The following ABCC6 variants were observed in gnomAD, a reference collection of about 807,000 sequenced individuals.
The protein encoded by ABCC6 is ATP-binding cassette sub-family C member 6.
Under a neutral mutation model 169.5 loss-of-function variants are expected in ABCC6, and 126 were observed. The observed-to-expected ratio is 0.74, with a 90% CI of 0.64 to 0.86. The LOEUF is 0.86. Among genes scored for constraint, ABCC6 ranks in the 40% least tolerant of loss-of-function variants. The pLI, the probability that ABCC6 is intolerant of heterozygous loss-of-function variation, is 0.00. For missense variants in ABCC6, 1,733 were observed against 1,927.2 expected, an observed-to-expected ratio of 0.90 and a Z score of 1.89; for synonymous variants, 752 against 814.7, an observed-to-expected ratio of 0.92 and a Z score of 1.31.
chr16:16,197,501 A>G (rs1346326077), intron 10 of ABCC6, among the ~76,000 whole-genome samples: 1 of 150,232 alleles, frequency 6.7e-6, no homozygotes, highest in Admixed American at 6.6e-5. Context: ...AGCAGAGGGA[A>G]GAGAGGGAGG....
chr16:16,154,974 G>A lies in ABCC6; in HGVS notation c.3940C>T (p.Arg1314Trp), dbSNP rs63750759. 1.3e-4 allele frequency: 205 copies of A among 1,576,952 alleles called. No individual in the cohort carries two copies. The African/African-American group carries it at 2.2e-3, about 17-fold the overall frequency. The change falls in exon 28 of 31, where the codon CGG (arginine) becomes TGG (tryptophan). Residue 1314 changes from arginine to tryptophan, a missense_variant. Arg to Trp is a moderately radical substitution (Grantham distance 101). Transcript: ENST00000205557. Reference protein sequence around the residue: ...GKSSLASGLLRLQEAAEGGIW... With the variant: ...GKSSLASGLLWLQEAAEGGIW... ...CCACCCTCAGCTGCCTCCTGGAGCC[G>A]CAGCAGCCCACTGGCCAGGGAGGAC...
At chr16:16,157,618 T>C (rs1489485875) in intron 27 of ABCC6, 45 bp downstream of exon 27, 1 of 1,612,982 alleles carries the variant, frequency 6.2e-7, no homozygotes, top group Admixed American at 1.7e-5. Flanking sequence ...CTGGAGTCCT[T>C]TGGCCTAAAC....
chr16:16,189,297 T>C (rs2047761002), intron 12 of ABCC6, among the ~76,000 whole-genome samples: 1 of 152,176 alleles, frequency 6.6e-6, no homozygotes, highest in Non-Finnish European at 1.5e-5. Context: ...TTTTTGATCT[T>C]GGTAGCCCTG....
chr16:16,154,815 G>T (rs57734166), intron 28 of ABCC6, 21 bp from the exon 29 acceptor site: 1 of 1,608,396 alleles, frequency 6.2e-7, no homozygotes, highest in Admixed American at 1.7e-5. Context: ...GGGGCGGTGG[G>T]TCAGAGCCGG....
intron 22 of ABCC6, 80 bp from the exon 23 acceptor site, chr16:16,166,013 C>G: frequency 7.0e-7 from 1 of 1,423,894 alleles, no homozygotes; most frequent in African/African-American, 1.4e-5. Context: ...AGGTCTCTCC[C>G]GCTACCCCAT....
chr16:16,175,344 G>C (rs974382621), intron 20 of ABCC6, among the ~76,000 whole-genome samples: 1 of 152,146 alleles, frequency 6.6e-6, no homozygotes, highest in Non-Finnish European at 1.5e-5. Flanking sequence ...TGCTTCCCAA[G>C]ACCCCTCTCA....
In ABCC6 at chr16:16,156,942, C is replaced by CAAAA. The variant is rs33984541; in HGVS notation, c.3882+717_3882+720dup. Among the ~76,000 whole-genome samples the CAAAA allele has an allele frequency of 1.6e-4, 16 of 101,120 alleles. No homozygotes were observed. In the East Asian group the frequency reaches 1.7e-3, roughly 11 times the overall value. 66.3% of individuals were successfully genotyped at this position (101,120 alleles called of 152,430 possible). A position where few individuals can be genotyped will look rare whatever the true frequency, so the allele number is the denominator to read the frequency against. On this transcript the variant is annotated intron_variant, in intron 27 of 30. Transcript: ENST00000205557. ...TGGGCAACAGAGTGAGACTCTGTCT[C>CAAAA]AAAAAAAAAAAAAAAAAAAAATCAC...
chr16:16,191,120 AG>A (rs2047840050), intron 11 of ABCC6, among the ~76,000 whole-genome samples: 1 of 151,422 alleles, frequency 6.6e-6, no homozygotes, highest in Non-Finnish European at 1.5e-5. Context: ...TGCCTGGAGA[AG>A]GTTTTACTTT....
At chr16:16,152,275 GGA>G (rs1273371818) in intron 29 of ABCC6, among the ~76,000 whole-genome samples, 2 of 151,740 alleles carry the variant, frequency 1.3e-5, no homozygotes, top group African/African-American at 2.4e-5. Context: ...CGTGGAGGGT[GGA>G]GGAGTTGAGA....
chr16:16,186,558 T>G (rs1386413522), intron 14 of ABCC6, among the ~76,000 whole-genome samples: 1 of 151,074 alleles, frequency 6.6e-6, no homozygotes, highest in Non-Finnish European at 1.5e-5. Flanking sequence ...CGAACACTTG[T>G]GAACTGTGCA....
At chr16:16,201,928 A>G in intron 9 of ABCC6, 73 bp downstream of exon 9, 1 of 1,579,462 alleles carries the variant, frequency 6.3e-7, no homozygotes, top group South Asian at 1.1e-5. Context: ...TCAGCTGCTG[A>G]TAACATTACT....
In ABCC6 at chr16:16,214,404, G is replaced by T; in HGVS notation, c.520C>A (p.Leu174Met). The T allele has an allele frequency of 6.4e-7, 1 of 1,551,324 alleles. No individual in the cohort carries two copies. Among genetic ancestry groups the T allele is most frequent in the Non-Finnish European group, 8.7e-7 (1 of 1,146,804 alleles). The change falls in exon 5 of 31, where the codon CTG becomes ATG. Residue 174 changes from leucine (L) to methionine (M), a missense_variant. Leu to Met is a conservative substitution (Grantham distance 15). Around this residue, in one of 5 missense-constraint regions of ABCC6, gnomAD observed 49 missense variants for 85.8 expected, o/e 0.57. Transcript: ENST00000205557. ...PVRHLSTYLC[L>M]SLVVAQFVLS... ...ACAAACTGTGCCACCACCAGAGACA[G>T]GCATAGGTAGGTGGACAGGTGGCGG...
chr16:16,191,508 C>T (rs2047853010), intron 11 of ABCC6, among the ~76,000 whole-genome samples: 1 of 152,208 alleles, frequency 6.6e-6, no homozygotes, highest in South Asian at 2.1e-4. Flanking sequence ...CAGACGGACA[C>T]TGGGACAGCT....
chr16:16,160,999 G>C (rs896963708), intron 25 of ABCC6, among the ~76,000 whole-genome samples: 11 of 152,086 alleles, frequency 7.2e-5, no homozygotes, highest in African/African-American at 2.2e-4. Context: ...CAGCAACTTG[G>C]GAGGCTGAGG....
rs756021073 is a variant in ABCC6 at position 16,221,671 on chromosome 16, G to A, written c.197C>T (p.Ser66Phe). Residue 66 changes from serine to phenylalanine, a missense_variant, in exon 2 of 31, where the codon TCC becomes TTC. By Grantham distance (155) the Ser-to-Phe change is radical. Around this residue, in one of 5 missense-constraint regions of ABCC6, gnomAD observed 66 missense variants for 69.5 expected, o/e 0.95. Transcript: ENST00000205557. The part of the protein sequence containing the change: ...HHHGRGYLRM[S>F]PLFKAKMVLG... Reference sequence around the variant, plus strand: ...TACCATCTTGGCTTTGAAGAGTGGGGACATCCGGAGGTAGCCCCGGCCATG... The same window carrying A: ...TACCATCTTGGCTTTGAAGAGTGGGAACATCCGGAGGTAGCCCCGGCCATG... 3 of 1,613,970 alleles carry A rather than the reference G, an allele frequency of 1.9e-6. No homozygotes were observed. The South Asian group carries it at 3.3e-5, about 18-fold the overall frequency.
chr16:16,187,207 C>CG lies in ABCC6; in HGVS notation c.1783dup (p.Arg595ProfsTer5). 1 of 1,613,228 alleles carries CG rather than the reference C, an allele frequency of 6.2e-7. No individual in the cohort carries two copies. Among genetic ancestry groups the CG allele is most frequent in the Non-Finnish European group, 8.5e-7 (1 of 1,179,632 alleles). On this transcript the variant is annotated frameshift_variant, in exon 14 of 31. Transcript: ENST00000205557. LOFTEE classifies it high-confidence loss of function. ...GGTGACCAGACGGTCAAAGGACACC[C>CG]GGGCCTAGGAAAACCGAAGCCGCAG...
chr16:16,150,053 G>T lies in ABCC6; in HGVS notation c.*80C>A. 6.3e-7 allele frequency: 1 copy of T among 1,581,154 alleles called. No homozygotes were observed. Among genetic ancestry groups the T allele is most frequent in the South Asian group, 1.1e-5 (1 of 87,882 alleles). ...AGACTCAATATCGTGTGGAGCTATC[G>T]ATGACCACGGGTCACTTCCATCTCC... is the stretch of plus-strand genomic sequence containing the variant. On this transcript the variant is annotated 3_prime_UTR_variant, in exon 31 of 31. Coordinates refer to ENST00000205557, the MANE Select transcript of ABCC6 (RefSeq NM_001171.6).
At chr16:16,192,271 A>G (rs1002626923) in intron 11 of ABCC6, among the ~76,000 whole-genome samples, 5 of 152,000 alleles carry the variant, frequency 3.3e-5, no homozygotes, top group African/African-American at 1.2e-4. Context: ...GGAGATGGGT[A>G]GAAGGTGAGG....
intron 17 of ABCC6, 89 bp from the exon 18 acceptor site, chr16:16,179,054 C>T: frequency 7.1e-7 from 1 of 1,413,490 alleles, no homozygotes; most frequent in Non-Finnish European, 9.7e-7. Context: ...GGCACACCTG[C>T]CCATCAGGGT....
Sources: gnomAD v4.1 joint callset for allele counts (sites outside exome capture counted in the v4.1 genomes callset) on GRCh38, gnomAD v4.1.1 for gene constraint, gnomAD v4.1.1 regional missense constraint, MANE v1.5 for transcripts, NCBI Gene and HGNC (gene_info 2026-07-23, HGNC 2026-07-21) for gene names.